Variants in SSBP2 observed in about 807,000 individuals in gnomAD.
SSBP2 encodes single-stranded DNA-binding protein 2.
In SSBP2, 17 loss-of-function variants were observed where a neutral mutation model predicts 61.8. The observed-to-expected ratio is 0.28, with a 90% CI of 0.19 to 0.41. The LOEUF is 0.41. Ranked by LOEUF, SSBP2 falls within the 10% of genes least tolerant of loss-of-function variation. The pLI, the probability that SSBP2 is intolerant of heterozygous loss-of-function variation, is 1.00. For synonymous variants in SSBP2, 139 were observed against 141.3 expected (o/e 0.98, Z 0.12); for missense variants, 310 against 458.7 (o/e 0.68, Z 2.96).
intron 6 of SSBP2, among the ~76,000 whole-genome samples, 184 bp downstream of exon 6, chr5:81,489,066 A>G (rs1293938538): frequency 1.3e-5 from 2 of 152,130 alleles, no homozygotes; most frequent in Non-Finnish European, 2.9e-5. Flanking sequence ...TTTTCAATAA[A>G]ACTTTATTTA....
chr5:81,561,916 T>C (rs1773068740), intron 4 of SSBP2, among the ~76,000 whole-genome samples: 1 of 152,200 alleles, frequency 6.6e-6, no homozygotes, highest in Non-Finnish European at 1.5e-5. Flanking sequence ...TATTTTACTT[T>C]TTTTTGAGAT....
At chr5:81,509,542 G>C (rs962660833) in intron 5 of SSBP2, among the ~76,000 whole-genome samples, 4 of 152,124 alleles carry the variant, frequency 2.6e-5, no homozygotes, top group Admixed American at 6.5e-5. Context: ...ACACACTTGA[G>C]TCATTTGATC....
At chr5:81,689,823 G>A (rs1025484628) in intron 1 of SSBP2, among the ~76,000 whole-genome samples, 1 of 152,082 alleles carries the variant, frequency 6.6e-6, no homozygotes, top group African/African-American at 2.4e-5. Context: ...CACTGTAATT[G>A]TGGTGTTTAA....
chr5:81,741,452 A>T (rs941091607), intron 1 of SSBP2, among the ~76,000 whole-genome samples: 1 of 152,196 alleles, frequency 6.6e-6, no homozygotes, highest in African/African-American at 2.4e-5. Context: ...ATGCCACTGA[A>T]CTGTACAACT....
intron 6 of SSBP2, among the ~76,000 whole-genome samples, chr5:81,483,416 T>C (rs1168102813): frequency 1.3e-5 from 2 of 152,132 alleles, no homozygotes; most frequent in Non-Finnish European, 2.9e-5. Context: ...GAAAAAATGG[T>C]GAATTTCTCA....
chr5:81,655,306 C>T (rs1169651466), intron 1 of SSBP2, among the ~76,000 whole-genome samples: 2 of 151,974 alleles, frequency 1.3e-5, no homozygotes, highest in African/African-American at 2.4e-5. Flanking sequence ...AATTTAAGTA[C>T]TTTATTAAAA....
Position 81,489,392 on chromosome 5 carries a change from A to T in SSBP2, c.373-83T>A, listed in dbSNP as rs1300449482. ...TATCTGAAAATAAACTACTTAAAAAATTTTAGAATTAATCAAATCACAAAT... is the reference window on the plus strand; with the variant it reads ...TATCTGAAAATAAACTACTTAAAAATTTTTAGAATTAATCAAATCACAAAT... On this transcript the variant is annotated intron_variant, in intron 5 of 16. Coordinates refer to ENST00000320672, the MANE Select transcript of SSBP2 (RefSeq NM_012446.5). 7 of 1,152,546 alleles carry T rather than the reference A, an allele frequency of 6.1e-6. No individual in the cohort carries two copies. In the South Asian group the frequency reaches 6.3e-5, roughly 10 times the overall value. 71.4% of individuals were successfully genotyped at this position (1,152,546 alleles called of 1,614,324 possible). A position where few individuals can be genotyped will look rare whatever the true frequency, so the allele number is the denominator to read the frequency against.
chr5:81,591,891 A>G (rs1429873290), intron 4 of SSBP2, among the ~76,000 whole-genome samples: 1 of 152,244 alleles, frequency 6.6e-6, no homozygotes, highest in Non-Finnish European at 1.5e-5. Flanking sequence ...GCTCCAGTCT[A>G]TAGCTCCCAG....
intron 11 of SSBP2, chr5:81,448,105 C>T (rs575824443): frequency 1.3e-5 from 2 of 152,184 alleles, no homozygotes; most frequent in Non-Finnish European, 2.9e-5. Flanking sequence ...ATCCTTGTTT[C>T]TCTGTTAGGT....
intron 6 of SSBP2, among the ~76,000 whole-genome samples, chr5:81,485,265 C>A (rs923437880): frequency 1.3e-5 from 2 of 152,100 alleles, no homozygotes; most frequent in Non-Finnish European, 2.9e-5. Context: ...TTATCCTCTG[C>A]TATATTGCAC....
At chr5:81,547,036 CAAAAAAAAAAAA>C (rs61254614) in intron 4 of SSBP2, among the ~76,000 whole-genome samples, 1 of 53,880 alleles carries the variant, frequency 1.9e-5, no homozygotes, top group Non-Finnish European at 2.9e-5. Flanking sequence ...AAATCTTGGC[CAAAAAAAAAAAA>C]AAAAAAAAAG....
intron 4 of SSBP2, among the ~76,000 whole-genome samples, chr5:81,562,897 G>C (rs1353056075): frequency 6.6e-6 from 1 of 152,122 alleles, no homozygotes; most frequent in African/African-American, 2.4e-5. Context: ...AGAAATTAAT[G>C]AAGATTTAAA....
At chr5:81,433,084 G>C (rs1762436463) in intron 15 of SSBP2, among the ~76,000 whole-genome samples, 1 of 151,996 alleles carries the variant, frequency 6.6e-6, no homozygotes, top group South Asian at 2.1e-4. Context: ...CCTCTGCCTG[G>C]CCACCACCCC....
chr5:81,694,704 G>C (rs1453461480), intron 1 of SSBP2, among the ~76,000 whole-genome samples: 2 of 152,178 alleles, frequency 1.3e-5, no homozygotes, highest in Admixed American at 6.5e-5. Context: ...GCTTGGTGTA[G>C]TGGCTCATGC....
chr5:81,687,973 G>A (rs556530651), intron 1 of SSBP2, among the ~76,000 whole-genome samples: 19 of 152,278 alleles, frequency 1.2e-4, no homozygotes, highest in African/African-American at 4.1e-4. Flanking sequence ...TTGAGAAAAC[G>A]AGAAGGAAGA....
intron 1 of SSBP2, among the ~76,000 whole-genome samples, chr5:81,704,262 T>A (rs559227543): frequency 6.6e-6 from 1 of 152,268 alleles, no homozygotes; most frequent in African/African-American, 2.4e-5. Context: ...CTAACGAATA[T>A]AAAAACTCTA....
At chr5:81,592,062 G>A (rs1581112907) in intron 4 of SSBP2, among the ~76,000 whole-genome samples, 1 of 152,224 alleles carries the variant, frequency 6.6e-6, no homozygotes, top group African/African-American at 2.4e-5. Flanking sequence ...AAGCGCAAGG[G>A]GTCAGGGAAT....
At chr5:81,693,515 G>A (rs1753371546) in intron 1 of SSBP2, among the ~76,000 whole-genome samples, 1 of 152,124 alleles carries the variant, frequency 6.6e-6, no homozygotes, top group Non-Finnish European at 1.5e-5. Context: ...AAAATGGGCA[G>A]AAGATCTGAA....
At chr5:81,615,156 GT>G (rs1366123119) in intron 4 of SSBP2, 3 of 193,422 alleles carry the variant, frequency 1.6e-5, no homozygotes, top group East Asian at 3.0e-4. Flanking sequence ...TATAATGAAT[GT>G]TTTTGTAGAA....
Sources: allele counts gnomAD v4.1 joint callset (sites outside exome capture counted in the v4.1 genomes callset), GRCh38; gene constraint gnomAD v4.1.1; transcripts MANE v1.5; gene names NCBI Gene and HGNC (gene_info 2026-07-23, HGNC 2026-07-21).